The following ANK2 variants were observed in gnomAD, a reference collection of about 807,000 sequenced individuals.
ANK2 encodes the protein ankyrin-2.
Under a neutral mutation model 360.5 loss-of-function variants are expected in ANK2, and 83 were observed. That is an observed-to-expected ratio of 0.23 (90% CI 0.19 to 0.28). The LOEUF (loss-of-function observed/expected upper bound fraction) is 0.28. Ranked by LOEUF, ANK2 falls within the 10% of genes least tolerant of loss-of-function variation. The probability of loss-of-function intolerance (pLI) is 1.00; values close to 1 mark genes in which losing one functional copy is unlikely to be tolerated. For missense variants in ANK2, 4,201 were observed against 4,795.7 expected (o/e 0.88, Z 3.66); for synonymous variants, 1,740 against 1,759.5 (o/e 0.99, Z 0.28).
At chr4:113,187,001 C>A (rs906313931) in intron 2 of ANK2, among the ~76,000 whole-genome samples, 35 of 151,864 alleles carry the variant, frequency 2.3e-4, no homozygotes, top group Non-Finnish European at 4.3e-4. Flanking sequence ...TGCAGATGAG[C>A]AAGAGCCCAT....
Position 112,829,171 on chromosome 4 carries a change from G to GTGAA in ANK2, c.-40+10925_-40+10928dup, listed in dbSNP as rs989093869. Among the ~76,000 whole-genome samples the GTGAA allele has an allele frequency of 4.3e-3, 654 of 152,118 alleles. 5 individuals carry two copies. The highest frequency in any genetic ancestry group is 0.015 in the African/African-American group (611 of 41,478). On this transcript the variant is annotated intron_variant, in intron 1 of 30. Transcript: ENST00000503271. ...CTGTCTCAAAAATATAAATGAATGA[G>GTGAA]TGAATGAATGAATGAATGAATAAAA... is the stretch of plus-strand genomic sequence containing the variant.
intron 45 of ANK2, chr4:113,374,914 G>A: frequency 8.1e-7 from 1 of 1,231,500 alleles, no homozygotes; most frequent in Non-Finnish European, 1.0e-6. Flanking sequence ...TTTAGCCACT[G>A]ATCTTCCTTC....
the ANK2 span, among the ~76,000 whole-genome samples, chr4:112,782,812 T>C: frequency 6.6e-6 from 1 of 151,798 alleles, no homozygotes; most frequent in African/African-American, 2.4e-5. Context: ...GAGGTTGCAG[T>C]GAGCTGAGAT....
intron 2 of ANK2, among the ~76,000 whole-genome samples, chr4:113,016,581 C>T (rs1242231555): frequency 6.6e-6 from 1 of 152,128 alleles, no homozygotes; most frequent in African/African-American, 2.4e-5. Flanking sequence ...CTGATGAAGG[C>T]ATTAGCTGAT....
chr4:112,937,189 A>T (rs1172970007), intron 2 of ANK2, among the ~76,000 whole-genome samples: 1 of 152,138 alleles, frequency 6.6e-6, no homozygotes, highest in African/African-American at 2.4e-5. Flanking sequence ...GGATCGAAGG[A>T]TGGGTAAATT....
chr4:113,367,475 A>C, intron 41 of ANK2, 91 bp from the exon 42 acceptor site: 2 of 1,251,112 alleles, frequency 1.6e-6, no homozygotes, highest in South Asian at 1.3e-5. Flanking sequence ...TTATCTTCTT[A>C]TTTTTTTTAT....
intron 1 of ANK2, chr4:112,881,969 TGA>T (rs1027748046): frequency 1.6e-6 from 1 of 614,528 alleles, no homozygotes; most frequent in African/African-American, 1.8e-5. Flanking sequence ...GTGGCATACG[TGA>T]CAAACCCAGA....
intron 2 of ANK2, among the ~76,000 whole-genome samples, chr4:112,918,335 A>C (rs2090513779): frequency 6.6e-6 from 1 of 152,094 alleles, no homozygotes; most frequent in South Asian, 2.1e-4. Flanking sequence ...TGCATAAATA[A>C]TTCAGGTTAT....
In ANK2 at chr4:113,363,345, A is replaced by C. The variant is rs1284721573; in HGVS notation, c.10764A>C (p.Ala3588=). 6.2e-7 allele frequency: 1 copy of C among 1,613,062 alleles called. No homozygotes were observed. Among genetic ancestry groups the C allele is most frequent in the Non-Finnish European group, 8.5e-7 (1 of 1,179,504 alleles). ...DHLGFSWTEL[A]RELDFTEEQI... ...TAGTATTTTATCTTCTAGAATTAGCAAGAGAACTGGATTTCACTGAGGAGC... is the reference window on the plus strand; with the variant it reads ...TAGTATTTTATCTTCTAGAATTAGCCAGAGAACTGGATTTCACTGAGGAGC... The change falls in exon 40 of 46, where the codon GCA becomes GCC. Residue 3588 remains alanine, a synonymous_variant. Coordinates refer to ENST00000357077, the MANE Select transcript of ANK2 (RefSeq NM_001148.6).
intron 1 of ANK2, among the ~76,000 whole-genome samples, chr4:112,839,194 G>A (rs1217469879): frequency 2.0e-5 from 3 of 152,154 alleles, no homozygotes; most frequent in East Asian, 3.9e-4. Context: ...TATGTTTCTA[G>A]GTAATAGCTG....
intron 7 of ANK2, among the ~76,000 whole-genome samples, chr4:113,239,758 C>G (rs2099410251): frequency 6.6e-6 from 1 of 151,966 alleles, no homozygotes; most frequent in African/African-American, 2.4e-5. Context: ...TTGATTTAAC[C>G]TGGTTGGTTA....
At chr4:112,845,335 A>G (rs2063057914) in intron 1 of ANK2, among the ~76,000 whole-genome samples, 1 of 132,594 alleles carries the variant, frequency 7.5e-6, no homozygotes, top group African/African-American at 2.7e-5. Context: ...TTTTTTTTTG[A>G]CTTTTCCCTG....
At chr4:113,321,059 G>A (rs1362893315) in intron 26 of ANK2, among the ~76,000 whole-genome samples, 1 of 152,208 alleles carries the variant, frequency 6.6e-6, no homozygotes, top group Non-Finnish European at 1.5e-5. Flanking sequence ...GGTTAATAGT[G>A]TGCTTGGGAG....
At chr4:112,886,132 A>G (rs1486812785) in intron 1 of ANK2, among the ~76,000 whole-genome samples, 2 of 152,140 alleles carry the variant, frequency 1.3e-5, no homozygotes, top group Non-Finnish European at 2.9e-5. Context: ...TTGCTGCTCA[A>G]CATCATTTGC....
chr4:113,278,035 G>A, intron 16 of ANK2, 100 bp downstream of exon 16: 3 of 1,158,770 alleles, frequency 2.6e-6, no homozygotes, highest in Non-Finnish European at 3.8e-6. Context: ...GAATGTGAGA[G>A]CAACTGATGA....
intron 20 of ANK2, among the ~76,000 whole-genome samples, chr4:113,288,752 A>G (rs1422906311): frequency 6.6e-6 from 1 of 152,222 alleles, no homozygotes; most frequent in Non-Finnish European, 1.5e-5. Context: ...GATACAATAG[A>G]TGCCGGCTAG....
chr4:113,370,378 C>T (rs965762515), intron 43 of ANK2, among the ~76,000 whole-genome samples: 6 of 152,042 alleles, frequency 3.9e-5, no homozygotes, highest in Non-Finnish European at 7.4e-5. Context: ...GTCCAAATGC[C>T]TGACGGTGGC....
chr4:112,709,922 A>G, the ANK2 span, among the ~76,000 whole-genome samples: 11 of 151,994 alleles, frequency 7.2e-5, no homozygotes, highest in South Asian at 2.1e-4. Flanking sequence ...TTCTTCATCA[A>G]TCCTTCCCCA....
intron 2 of ANK2, among the ~76,000 whole-genome samples, chr4:112,972,503 T>A (rs1472047213): frequency 2.6e-5 from 4 of 152,140 alleles, no homozygotes; most frequent in Non-Finnish European, 5.9e-5. Context: ...ACCCTGGGCC[T>A]GGTGGTAAGT....
Sources: allele counts gnomAD v4.1 joint callset (sites outside exome capture counted in the v4.1 genomes callset), GRCh38; gene constraint gnomAD v4.1.1; transcripts MANE v1.5; gene names NCBI Gene and HGNC (gene_info 2026-07-23, HGNC 2026-07-21).